Variants in HECW1 observed in about 807,000 individuals in gnomAD.
HECW1 encodes the protein HECT, C2 and WW domain containing E3 ubiquitin protein ligase 1.
In HECW1, 61 loss-of-function variants were observed where a neutral mutation model predicts 182.3. That is an observed-to-expected ratio of 0.33 (90% CI 0.27 to 0.41). The LOEUF (loss-of-function observed/expected upper bound fraction) is 0.41, where lower values mean the gene tolerates loss of function less well. HECW1 is among the 10% of genes least tolerant of loss of function. HECW1 has a pLI of 1.00. For missense variants in HECW1, 1,739 were observed against 2,108.9 expected (o/e 0.82, Z 3.44); for synonymous variants, 859 against 832.6 (o/e 1.03, Z -0.55).
At chr7:43,286,681 C>G (rs937581376) in intron 3 of HECW1, among the ~76,000 whole-genome samples, 25 of 152,106 alleles carry the variant, frequency 1.6e-4, no homozygotes, top group Non-Finnish European at 2.6e-4. Context: ...CACCCACCCC[C>G]CCAAAGGTGT....
In HECW1 at chr7:43,561,797, T is replaced by A. The variant is rs1275218935; in HGVS notation, c.4710-18T>A. The A allele has an allele frequency of 6.6e-7, 1 of 1,524,996 alleles. No homozygotes were observed. Among genetic ancestry groups the A allele is most frequent in the South Asian group, 1.1e-5 (1 of 89,076 alleles). 94.5% of individuals were successfully genotyped at this position (1,524,996 alleles called of 1,614,324 possible). A position where few individuals can be genotyped will look rare whatever the true frequency, so the allele number is the denominator to read the frequency against. On this transcript the variant is annotated intron_variant, in intron 29 of 29. Coordinates refer to ENST00000395891, the MANE Select transcript of HECW1 (RefSeq NM_015052.5). ...TCATTGAAACAAACACTCTCACCAA[T>A]CTCTTCTCCCCATTCAGGGCACACA...
intron 2 of HECW1, among the ~76,000 whole-genome samples, chr7:43,210,160 G>A (rs1222086701): frequency 2.0e-5 from 3 of 152,148 alleles, no homozygotes; most frequent in Non-Finnish European, 4.4e-5. Flanking sequence ...GATCCCTGCA[G>A]CTTGTCCCAC....
chr7:43,278,637 T>G (rs1803491962), intron 3 of HECW1, among the ~76,000 whole-genome samples: 1 of 151,824 alleles, frequency 6.6e-6, no homozygotes, highest in Non-Finnish European at 1.5e-5. Flanking sequence ...CCCTCCTCTC[T>G]CTCCACTCCA....
At chr7:43,227,288 T>C (rs535000164) in intron 2 of HECW1, among the ~76,000 whole-genome samples, 1 of 144,954 alleles carries the variant, frequency 6.9e-6, no homozygotes, top group South Asian at 2.1e-4. Context: ...CAAATGGTCA[T>C]TTTTTTTTAG....
chr7:43,245,994 A>T (rs1799344506), intron 3 of HECW1, among the ~76,000 whole-genome samples: 1 of 152,210 alleles, frequency 6.6e-6, no homozygotes, highest in Admixed American at 6.5e-5. Context: ...AAGATTCATC[A>T]TGCTCTGAAA....
intron 3 of HECW1, among the ~76,000 whole-genome samples, chr7:43,277,869 C>T (rs1176312491): frequency 6.6e-6 from 1 of 152,188 alleles, no homozygotes; most frequent in Non-Finnish European, 1.5e-5. Context: ...GACTGTACCT[C>T]CCAGGAAATG....
intron 2 of HECW1, among the ~76,000 whole-genome samples, chr7:43,181,170 G>T (rs7808993): frequency 0.25 from 37,575 of 150,598 alleles, 5,700 homozygotes; most frequent in African/African-American, 0.28. Flanking sequence ...TGTGGCAAAT[G>T]ACACCATTTC....
chr7:43,222,370 A>G (rs1399886848), intron 2 of HECW1, among the ~76,000 whole-genome samples: 1 of 152,222 alleles, frequency 6.6e-6, no homozygotes, highest in Non-Finnish European at 1.5e-5. Flanking sequence ...AGATTATGCA[A>G]ACAATCTTTG....
intron 17 of HECW1, among the ~76,000 whole-genome samples, chr7:43,480,666 T>TAC (rs1326065648): frequency 6.7e-6 from 1 of 149,030 alleles, no homozygotes; most frequent in East Asian, 2.0e-4. Flanking sequence ...TGTATATATA[T>TAC]ACACACACAT....
At chr7:43,234,171 AC>A (rs1238876861) in intron 2 of HECW1, among the ~76,000 whole-genome samples, 2 of 152,112 alleles carry the variant, frequency 1.3e-5, no homozygotes, top group Non-Finnish European at 2.9e-5. Context: ...CCAAATTCTC[AC>A]CACCCACACC....
Position 43,564,218 on chromosome 7 carries a change from T to C in HECW1, c.*2292T>C, listed in dbSNP as rs1452288180. On this transcript the variant is annotated 3_prime_UTR_variant, in exon 30 of 30. Transcript: ENST00000395891. ...AACATCTCTAATATAGGGGCATCTT[T>C]TATCTTTAGAACTTGGTGTTATATA... 1 of 191,794 alleles carries C rather than the reference T, an allele frequency of 5.2e-6. No individual in the cohort carries two copies. Among genetic ancestry groups the C allele is most frequent in the Non-Finnish European group, 1.1e-5 (1 of 91,604 alleles). 11.9% of individuals were successfully genotyped at this position (191,794 alleles called of 1,614,324 possible). A position where few individuals can be genotyped will look rare whatever the true frequency, so the allele number is the denominator to read the frequency against.
chr7:43,507,991 C>A, intron 22 of HECW1, 27 bp from the exon 23 acceptor site: 1 of 1,557,734 alleles, frequency 6.4e-7, no homozygotes, highest in Non-Finnish European at 8.9e-7. Context: ...TTCAGGGCCA[C>A]TGCTCACCAC....
In HECW1 at chr7:43,427,576, A is replaced by G. The variant is rs145480095; in HGVS notation, c.802-10427A>G. 6.6e-5 allele frequency among the ~76,000 whole-genome samples: 10 copies of G among 152,358 alleles called. No individual in the cohort carries two copies. The East Asian group carries it at 1.5e-3, about 23-fold the overall frequency. On this transcript the variant is annotated intron_variant, in intron 8 of 29. Coordinates refer to ENST00000395891, the MANE Select transcript of HECW1 (RefSeq NM_015052.5). Reference sequence around the variant, plus strand: ...TACTGCGTTAGGTTTCTATCAGTACATAACAAATTGCCACAAATTTAGCAA... The same window carrying G: ...TACTGCGTTAGGTTTCTATCAGTACGTAACAAATTGCCACAAATTTAGCAA...
intron 2 of HECW1, among the ~76,000 whole-genome samples, chr7:43,157,138 C>T (rs77167143): frequency 0.041 from 6,163 of 152,098 alleles, 178 homozygotes; most frequent in Non-Finnish European, 0.063. Flanking sequence ...GAGAGGCATG[C>T]GTATAAAAAA....
chr7:43,334,693 G>A (rs1056650560), intron 5 of HECW1, among the ~76,000 whole-genome samples: 4 of 152,196 alleles, frequency 2.6e-5, no homozygotes, highest in Non-Finnish European at 4.4e-5. Context: ...ATTGTCATTA[G>A]AATGAATGTC....
chr7:43,447,635 C>T (rs915830137), intron 11 of HECW1, among the ~76,000 whole-genome samples: 1 of 152,190 alleles, frequency 6.6e-6, no homozygotes, highest in Non-Finnish European at 1.5e-5. Flanking sequence ...AGCAGTGAGT[C>T]CCCAGGCTAA....
At chr7:43,467,826 C>T (rs1308426538) in intron 15 of HECW1, among the ~76,000 whole-genome samples, 1 of 152,048 alleles carries the variant, frequency 6.6e-6, no homozygotes, top group Non-Finnish European at 1.5e-5. Flanking sequence ...AGGCAGTGAC[C>T]GCACTAAGCT....
intron 6 of HECW1, among the ~76,000 whole-genome samples, chr7:43,383,550 T>C (rs1161670519): frequency 1.3e-5 from 2 of 152,254 alleles, no homozygotes; most frequent in East Asian, 3.8e-4. Flanking sequence ...TGAGCTTTTT[T>C]ACATATGTTT....
At chr7:43,384,509 A>T (rs1451515538) in intron 6 of HECW1, among the ~76,000 whole-genome samples, 1 of 152,232 alleles carries the variant, frequency 6.6e-6, no homozygotes, top group Non-Finnish European at 1.5e-5. Flanking sequence ...TCCATAGGAA[A>T]AAAGATGTTA....
Sources: allele counts gnomAD v4.1 joint callset (sites outside exome capture counted in the v4.1 genomes callset), GRCh38; gene constraint gnomAD v4.1.1; transcripts MANE v1.5; gene names NCBI Gene and HGNC (gene_info 2026-07-23, HGNC 2026-07-21).